Variants in CD6 observed in about 807,000 individuals in gnomAD.
CD6 encodes the protein T-cell differentiation antigen CD6.
In CD6, 53 loss-of-function variants were observed where a neutral mutation model predicts 75.3. That is an observed-to-expected ratio of 0.70 (90% CI 0.56 to 0.88). The LOEUF (loss-of-function observed/expected upper bound fraction) is 0.88. Among genes scored for constraint, CD6 ranks in the 40% least tolerant of loss-of-function variants. CD6 has a pLI of 0.00. For synonymous variants in CD6, 359 were observed against 381.5 expected (o/e 0.94, Z 0.69); for missense variants, 770 against 897.1 (o/e 0.86, Z 1.81).
At chr11:60,993,928 A>T (rs1001168561) in intron 1 of CD6, among the ~76,000 whole-genome samples, 1 of 152,260 alleles carries the variant, frequency 6.6e-6, no homozygotes, top group African/African-American at 2.4e-5. Context: ...TTGGGAGAGG[A>T]GGGGGAGTCC....
rs150113360 is a variant in CD6, at chr11:60,980,041, G to A, written c.49+8127G>A. ...CCAGGACAATCACCCCTTTTTTATG[G>A]GTGGAGAAACTGAGGCTCAGAAAGT... On this transcript the variant is annotated intron_variant, in intron 1 of 12. Coordinates refer to ENST00000313421, the MANE Select transcript of CD6 (RefSeq NM_006725.5). 3.6e-4 allele frequency among the ~76,000 whole-genome samples: 55 copies of A among 152,242 alleles called. No homozygotes were observed. In the East Asian group the frequency reaches 8.7e-3, roughly 24 times the overall value.
intron 4 of CD6, 72 bp downstream of exon 4, chr11:61,008,917 G>A: frequency 7.5e-7 from 1 of 1,330,806 alleles, no homozygotes; most frequent in East Asian, 2.5e-5. Context: ...GCCAAGCCTG[G>A]AGTTAGTGCC....
chr11:60,995,477 G>T (rs957247109), intron 1 of CD6, among the ~76,000 whole-genome samples: 24 of 152,144 alleles, frequency 1.6e-4, no homozygotes, highest in African/African-American at 5.6e-4. Flanking sequence ...AATTACAGGC[G>T]TTCCCTTCTT....
chr11:61,008,373 C>T (rs2135166590), intron 3 of CD6, 161 bp from the exon 4 acceptor site: 1 of 689,130 alleles, frequency 1.5e-6, no homozygotes, highest in East Asian at 2.7e-5. Context: ...TCTACCTAAC[C>T]CATCTGCAGT....
Position 61,014,667 on chromosome 11 carries a change from G to A in CD6, c.1387+653G>A, listed in dbSNP as rs573348192. ...GGAGAATCGCTTGAACCTGGGAGGC[G>A]GAGGTTGCAGTGAGCCGAGATCACG... is the stretch of plus-strand genomic sequence containing the variant. On this transcript the variant is annotated intron_variant, in intron 8 of 12. Transcript: ENST00000313421. Among the ~76,000 whole-genome samples, 19 of 151,796 alleles carry A rather than the reference G, an allele frequency of 1.3e-4. No individual in the cohort carries two copies. The East Asian group carries it at 2.9e-3, about 23-fold the overall frequency.
intron 12 of CD6, 164 bp downstream of exon 12, chr11:61,018,557 G>C (rs1207362665): frequency 3.3e-6 from 2 of 609,754 alleles, no homozygotes; most frequent in Admixed American, 2.8e-5. Flanking sequence ...GGCCAGGCAT[G>C]GTAGCTCAAG....
At chr11:60,976,226 T>C (rs1254669673) in intron 1 of CD6, among the ~76,000 whole-genome samples, 2 of 152,234 alleles carry the variant, frequency 1.3e-5, no homozygotes, top group African/African-American at 4.8e-5. Context: ...TGTATGTCCA[T>C]GTGTGCACGT....
chr11:60,991,145 C>CTTT (rs1319427330), intron 1 of CD6, among the ~76,000 whole-genome samples: 1 of 85,790 alleles, frequency 1.2e-5, no homozygotes. Context: ...TTTTCTTTTT[C>CTTT]TTTCTTTTTT....
rs1260595424 is a variant in CD6, at chr11:61,007,065, C to G, written c.118+423C>G. 6.6e-6 allele frequency among the ~76,000 whole-genome samples: 1 copy of G among 152,104 alleles called. No homozygotes were observed. Among genetic ancestry groups the G allele is most frequent in the East Asian group, 1.9e-4 (1 of 5,194 alleles). On this transcript the variant is annotated intron_variant, in intron 2 of 12. Transcript: ENST00000313421. The surrounding 1 kb of genome is among the most constrained non-coding windows in gnomAD (Gnocchi z 4.2). ...AGGGGTTCTGGGGAAGTGAGGACCA[C>G]CATCAGCTGAAGCAGCCCATCATCA...
At chr11:61,010,936 C>A in intron 5 of CD6, 134 bp from the exon 6 acceptor site, 1 of 729,236 alleles carries the variant, frequency 1.4e-6, no homozygotes, top group Non-Finnish European at 2.4e-6. Flanking sequence ...GTTTCCTTAG[C>A]CACGTGTCCC....
rs778769598 is a variant in CD6, at chr11:61,017,935, G to C, written c.1759G>C (p.Val587Leu). The C allele has an allele frequency of 3.8e-5, 61 of 1,613,824 alleles. No individual in the cohort carries two copies. The highest frequency in any genetic ancestry group is 5.1e-5 in the Non-Finnish European group (60 of 1,180,042). ...KSKLPPWNPQVFSSERSSFLE... is the reference protein window; with the variant it reads ...KSKLPPWNPQLFSSERSSFLE... ...CAAGCTGCCTCCATGGAACCCCCAG[G>C]TGTTTTCTTCAGAGAGGAGTTCCTT... The change falls in exon 11 of 13, where the codon GTG (valine) becomes CTG (leucine). Residue 587 changes from valine to leucine, a missense_variant. By Grantham distance (32) the Val-to-Leu change is conservative (BLOSUM62 1). Transcript: ENST00000313421.
chr11:61,006,925 GGCAGGGTCCTTGAT>G (rs1858889155), intron 2 of CD6, among the ~76,000 whole-genome samples: 1 of 152,130 alleles, frequency 6.6e-6, no homozygotes, highest in Non-Finnish European at 1.5e-5. Flanking sequence ...TGGTGGGGGA[GGCAGGGTCCTTGAT>G]TTACTCAGCA....
intron 5 of CD6, 87 bp downstream of exon 5, chr11:61,009,961 A>C: frequency 1.5e-6 from 2 of 1,340,234 alleles, no homozygotes; most frequent in Non-Finnish European, 2.0e-6. Flanking sequence ...AAGGACCACA[A>C]TAGGCACCAG....
chr11:61,010,015 C>CGGTG (rs1565158434), intron 5 of CD6, 141 bp downstream of exon 5: 1 of 772,606 alleles, frequency 1.3e-6, no homozygotes, highest in East Asian at 2.9e-5. Context: ...GTTGTCCTTA[C>CGGTG]GGTGCCCAGG....
chr11:61,002,918 C>G (rs930917697), intron 1 of CD6, among the ~76,000 whole-genome samples: 1 of 151,760 alleles, frequency 6.6e-6, no homozygotes, highest in African/African-American at 2.4e-5. Flanking sequence ...CAGCATTAAT[C>G]CGTTCATGAA....
intron 1 of CD6, among the ~76,000 whole-genome samples, chr11:60,998,945 G>C (rs1858439231): frequency 6.6e-6 from 1 of 151,738 alleles, no homozygotes; most frequent in Non-Finnish European, 1.5e-5. Flanking sequence ...GATCACCTGA[G>C]GTCAGGAGTT....
At chr11:61,009,902 A>C (rs1319063530) in intron 5 of CD6, 28 bp downstream of exon 5, 32 of 1,519,538 alleles carry the variant, frequency 2.1e-5, no homozygotes, top group Non-Finnish European at 2.7e-5. Flanking sequence ...ACCCCCCCAG[A>C]TTTGAGCCAG....
At position 61,006,623 on chromosome 11, in the gene CD6, G is replaced by C. The variant is rs755890364; in HGVS notation, c.99G>C (p.Glu33Asp). The C allele has an allele frequency of 6.2e-7, 1 of 1,610,414 alleles. No homozygotes were observed. Among genetic ancestry groups the C allele is most frequent in the Non-Finnish European group, 8.5e-7 (1 of 1,178,510 alleles). Residue 33 changes from glutamate (E) to aspartate (D), a missense_variant, in exon 2 of 13, where the codon GAG (glutamate) becomes GAC (aspartate). Transcript: ENST00000313421. ...PPDQLNTSSAESELWEPGERL... is the reference protein window; with the variant it reads ...PPDQLNTSSADSELWEPGERL... ...ACCAGCTCAACACCAGCAGTGCAGA[G>C]AGTGAGCTCTGGGAGCCAGGTGAGC...
intron 3 of CD6, 37 bp from the exon 4 acceptor site, chr11:61,008,497 G>C: frequency 6.6e-7 from 1 of 1,517,416 alleles, no homozygotes; most frequent in South Asian, 1.3e-5. Context: ...CTTCCTGGTC[G>C]GGTGCCCCAG....
Sources: allele counts gnomAD v4.1 joint callset (sites outside exome capture counted in the v4.1 genomes callset), GRCh38; gene constraint gnomAD v4.1.1; non-coding constraint Gnocchi (gnomAD v3.1); transcripts MANE v1.5; gene names NCBI Gene and HGNC (gene_info 2026-07-23, HGNC 2026-07-21).